Variants in TNIP2 observed in about 807,000 individuals in gnomAD.
TNIP2 encodes TNFAIP3-interacting protein 2.
In TNIP2, 30 loss-of-function variants were observed where a neutral mutation model predicts 43.7. That is an observed-to-expected ratio of 0.69 (90% CI 0.51 to 0.93). The LOEUF (loss-of-function observed/expected upper bound fraction) is 0.93, where lower values mean the gene tolerates loss of function less well. TNIP2 is among the 40% of genes least tolerant of loss of function. TNIP2 has a pLI of 0.00. For missense variants in TNIP2, 599 were observed against 591.0 expected (o/e 1.01, Z -0.14); for synonymous variants, 260 against 254.6 (o/e 1.02, Z -0.20).
intron 3 of TNIP2, 33 bp downstream of exon 3, chr4:2,745,413 G>A: frequency 6.6e-7 from 1 of 1,515,498 alleles, no homozygotes; most frequent in Non-Finnish European, 9.1e-7. Flanking sequence ...TAAGCCATGT[G>A]TTCTTCTCAA....
At chr4:2,747,336 C>A in intron 2 of TNIP2, 1 of 317,746 alleles carries the variant, frequency 3.1e-6, no homozygotes, top group Non-Finnish European at 5.9e-6. Context: ...CCAGGCAGCT[C>A]TGCCAGGCTC....
intron 1 of TNIP2, among the ~76,000 whole-genome samples, chr4:2,754,566 G>A (rs564111869): frequency 3.9e-5 from 6 of 152,144 alleles, no homozygotes; most frequent in Non-Finnish European, 5.9e-5. Context: ...ACAGGCGCCC[G>A]CCACCACGCC....
chr4:2,744,914 T>C lies in TNIP2; in HGVS notation c.689A>G (p.Tyr230Cys). 6.2e-7 allele frequency: 1 copy of C among 1,609,624 alleles called. No homozygotes were observed. The highest frequency in any genetic ancestry group is 1.1e-5 in the South Asian group (1 of 91,032). The change falls in exon 4 of 6, where the codon TAC becomes TGC. Residue 230 changes from tyrosine (Y) to cysteine (C), a missense_variant. Coordinates refer to ENST00000315423, the MANE Select transcript of TNIP2 (RefSeq NM_024309.4). This position sits in a 1 kb window ranked among gnomAD's most constrained non-coding sequence, Gnocchi z 5.1. ...VEDLNAKWQR[Y>C]NASRDEYVRG... Reference sequence around the variant, plus strand: ...CACGTATTCGTCCCTGCTGGCGTTGTAGCGCTGCCACTTGGCATTGAGGTC... The same window carrying C: ...CACGTATTCGTCCCTGCTGGCGTTGCAGCGCTGCCACTTGGCATTGAGGTC...
chr4:2,756,190 G>A lies in TNIP2; in HGVS notation c.100C>T (p.Leu34=). The A allele has an allele frequency of 6.8e-7, 1 of 1,476,814 alleles. No individual in the cohort carries two copies. The highest frequency in any genetic ancestry group is 8.9e-7 in the Non-Finnish European group (1 of 1,121,982). The allele number at this position is 1,476,814 out of a possible 1,614,324, so 91.5% of individuals were successfully genotyped here. A position where few individuals can be genotyped will look rare whatever the true frequency, so the allele number is the denominator to read the frequency against. Reference sequence around the variant, plus strand: ...TCGCGGGCAGCGAGCTGGTCCTGCAGGCGGCGCAGCCGCTGTCCGGCCTCG... The same window carrying A: ...TCGCGGGCAGCGAGCTGGTCCTGCAAGCGGCGCAGCCGCTGTCCGGCCTCG... The part of the protein sequence containing the change: ...YHEAGQRLRR[L]QDQLAARDAL... The change falls in exon 1 of 6, where the codon CTG becomes TTG. Residue 34 remains leucine (L), a synonymous_variant. Coordinates refer to ENST00000315423, the MANE Select transcript of TNIP2 (RefSeq NM_024309.4).
Position 2,745,426 on chromosome 4 carries a change from G to A in TNIP2, c.657+20C>T, listed in dbSNP as rs79257123. 9,789 of 1,580,870 alleles carry A rather than the reference G, an allele frequency of 6.2e-3. 123 individuals are homozygous for A. The highest frequency in any genetic ancestry group is 0.05 in the African/African-American group (3,747 of 74,388). Reference sequence around the variant, plus strand: ...TGTAAGCCATGTGTTCTTCTCAAACGAAATGTGAAAGACACTCACGTGAGT... The same window carrying A: ...TGTAAGCCATGTGTTCTTCTCAAACAAAATGTGAAAGACACTCACGTGAGT... On this transcript the variant is annotated intron_variant, in intron 3 of 5. Transcript: ENST00000315423.
Position 2,753,753 on chromosome 4 carries a change from G to A in TNIP2, c.276+2261C>T, listed in dbSNP as rs373585572. Among the ~76,000 whole-genome samples, 181 of 152,274 alleles carry A rather than the reference G, an allele frequency of 1.2e-3. 4 individuals carry two copies. The East Asian group carries it at 0.027, about 23-fold the overall frequency. ...TGGTCTGTACTCATCTGTGGCTCCT[G>A]GCATCCACAACTCTAAAACCTGTTG... On this transcript the variant is annotated intron_variant, in intron 1 of 5. Transcript: ENST00000315423.
In TNIP2 at chr4:2,744,875, G is replaced by A. The variant is rs772279839; in HGVS notation, c.728C>T (p.Ala243Val). ...GGGGATCTGCAGCCCCCTGAGCTGC[G>A]CATGGAGCCCCCTCACGTATTCGTC... is the stretch of plus-strand genomic sequence containing the variant. Reference protein sequence around the residue: ...SRDEYVRGLHAQLRGLQIPHE... With the variant: ...SRDEYVRGLHVQLRGLQIPHE... The change falls in exon 4 of 6, where the codon GCG becomes GTG. Residue 243 changes from alanine to valine, a missense_variant. Ala to Val is a moderately conservative substitution (Grantham distance 64). Coordinates refer to ENST00000315423, the MANE Select transcript of TNIP2 (RefSeq NM_024309.4). This position sits in a 1 kb window ranked among gnomAD's most constrained non-coding sequence, Gnocchi z 5.1. The A allele has an allele frequency of 1.4e-5, 23 of 1,613,804 alleles. No individual in the cohort carries two copies. The highest frequency in any genetic ancestry group is 2.7e-5 in the African/African-American group (2 of 74,930).
rs1721817720 is a variant in TNIP2, at chr4:2,742,414, C to T, written c.1133G>A (p.Gly378Glu). ...GGGTTCTGGCTGCTGGGACCCAGTC[C>T]CAGGCCTCCAGCCACCAGGCACCAT... ...ELMVPGGWRP[G>E]TGSQQPEPPA... The change falls in exon 6 of 6, where the codon GGG becomes GAG. Residue 378 changes from glycine to glutamate, a missense_variant. Coordinates refer to ENST00000315423, the MANE Select transcript of TNIP2 (RefSeq NM_024309.4). The T allele has an allele frequency of 1.9e-6, 3 of 1,612,604 alleles. No individual in the cohort carries two copies. Among genetic ancestry groups the T allele is most frequent in the Middle Eastern group, 1.6e-4 (1 of 6,076 alleles).
At chr4:2,748,067 C>T (rs1165871797) in intron 1 of TNIP2, 122 bp from the exon 2 acceptor site, 2 of 1,061,578 alleles carry the variant, frequency 1.9e-6, no homozygotes, top group Non-Finnish European at 2.7e-6. Context: ...AACATACTCA[C>T]TCAGAAGTTG....
chr4:2,747,174 G>A (rs955022704), intron 2 of TNIP2, among the ~76,000 whole-genome samples: 3 of 152,258 alleles, frequency 2.0e-5, no homozygotes, highest in Admixed American at 2.0e-4. Flanking sequence ...AGCTGTGCCT[G>A]CATGCACTCA....
intron 1 of TNIP2, among the ~76,000 whole-genome samples, chr4:2,752,986 G>T (rs1016581855): frequency 6.6e-6 from 1 of 152,124 alleles, no homozygotes; most frequent in African/African-American, 2.4e-5. Context: ...GGCTGGTTGA[G>T]CCCAGGAGTT....
chr4:2,753,266 C>T (rs1447882221), intron 1 of TNIP2, among the ~76,000 whole-genome samples: 1 of 151,602 alleles, frequency 6.6e-6, no homozygotes, highest in Non-Finnish European at 1.5e-5. Flanking sequence ...CAGCAAGATC[C>T]CGTCTCTACA....
chr4:2,744,603 C>CA lies in TNIP2; in HGVS notation c.906+93dup. On this transcript the variant is annotated intron_variant, in intron 4 of 5. Coordinates refer to ENST00000315423, the MANE Select transcript of TNIP2 (RefSeq NM_024309.4). The surrounding 1 kb of genome is among the most constrained non-coding windows in gnomAD (Gnocchi z 5.1). ...ACAGTGACCACTGCCCACTCAGTGC[C>CA]ACCAAGCCTTCAGCCCAGCCTGTCC... The CA allele has an allele frequency of 6.3e-7, 1 of 1,596,172 alleles. No homozygotes were observed. The highest frequency in any genetic ancestry group is 1.1e-5 in the South Asian group (1 of 89,794).
rs1721808928 is a variant in TNIP2, at chr4:2,742,247, TGA to T, written c.*8_*9del. ...GGCCAGGAGGCCGCAAGGGCACGGG[TGA>T]GTCTCGGTCACTGGCAGCACTCAGC... On this transcript the variant is annotated 3_prime_UTR_variant, in exon 6 of 6. Coordinates refer to ENST00000315423, the MANE Select transcript of TNIP2 (RefSeq NM_024309.4). 6.8e-7 allele frequency: 1 copy of T among 1,466,182 alleles called. No homozygotes were observed. The highest frequency in any genetic ancestry group is 9.1e-7 in the Non-Finnish European group (1 of 1,104,332). The allele number at this position is 1,466,182 out of a possible 1,614,324, so 90.8% of individuals were successfully genotyped here. A position where few individuals can be genotyped will look rare whatever the true frequency, so the allele number is the denominator to read the frequency against.
rs146081512 is a variant in TNIP2 at position 2,742,290 on chromosome 4, C to G, written c.1257G>C (p.Glu419Asp). The change falls in exon 6 of 6, where the codon GAG becomes GAC. Residue 419 changes from glutamate (E) to aspartate (D), a missense_variant. Coordinates refer to ENST00000315423, the MANE Select transcript of TNIP2 (RefSeq NM_024309.4). ...LQCFSDEQGE[E>D]LLRHVAECCQ ...AGCACTCAGCCACATGCCTGAGGAG[C>G]TCTTCCCCTTGCTCGTCACTGAAGC... The G allele has an allele frequency of 1.1e-5, 17 of 1,512,342 alleles. No individual in the cohort carries two copies. The African/African-American group carries it at 2.4e-4, about 21-fold the overall frequency. The allele number at this position is 1,512,342 out of a possible 1,614,324, so 93.7% of individuals were successfully genotyped here.
At chr4:2,747,499 C>T in intron 2 of TNIP2, 156 bp downstream of exon 2, 1 of 757,938 alleles carries the variant, frequency 1.3e-6, no homozygotes, top group Non-Finnish European at 2.2e-6. Flanking sequence ...TAAAAGAAAC[C>T]CTTGGATGAG....
At chr4:2,749,599 C>T (rs1722051386) in intron 1 of TNIP2, among the ~76,000 whole-genome samples, 1 of 152,070 alleles carries the variant, frequency 6.6e-6, no homozygotes, top group African/African-American at 2.4e-5. Flanking sequence ...ATTGGTGGCC[C>T]CCACAGGAAG....
At chr4:2,754,183 C>T (rs1013535722) in intron 1 of TNIP2, among the ~76,000 whole-genome samples, 1 of 152,184 alleles carries the variant, frequency 6.6e-6, no homozygotes, top group African/African-American at 2.4e-5. Context: ...AACTATCTTT[C>T]GCAGACTACT....
At chr4:2,755,379 C>G (rs1722204595) in intron 1 of TNIP2, among the ~76,000 whole-genome samples, 1 of 151,362 alleles carries the variant, frequency 6.6e-6, no homozygotes, top group Admixed American at 6.6e-5. Flanking sequence ...GAACATACAC[C>G]ACACACACAC....
Sources: gnomAD v4.1 joint callset for allele counts (sites outside exome capture counted in the v4.1 genomes callset) on GRCh38, gnomAD v4.1.1 for gene constraint, Gnocchi (gnomAD v3.1) non-coding constraint, MANE v1.5 for transcripts, NCBI Gene and HGNC (gene_info 2026-07-23, HGNC 2026-07-21) for gene names.